The following TNKS variants were observed in gnomAD, a reference collection of about 807,000 sequenced individuals.
TNKS encodes tankyrase.
In TNKS, 72 loss-of-function variants were observed where a neutral mutation model predicts 135.8. The ratio of observed to expected loss-of-function variants is 0.53; its 90% CI spans 0.44 to 0.64. TNKS has a LOEUF of 0.64. Among genes scored for constraint, TNKS ranks in the 30% least tolerant of loss-of-function variants. TNKS has a pLI of 0.00. For synonymous variants in TNKS, 849 were observed against 649.3 expected, an observed-to-expected ratio of 1.31 and a Z score of -4.68; for missense variants, 1,769 against 1,674.0, an observed-to-expected ratio of 1.06 and a Z score of -0.99.
intron 3 of TNKS, among the ~76,000 whole-genome samples, chr8:9,616,812 G>C (rs1338713790): frequency 6.6e-6 from 1 of 152,076 alleles, no homozygotes; most frequent in Non-Finnish European, 1.5e-5. Flanking sequence ...AATTAGTGTA[G>C]ATAAGAAATT....
chr8:9,584,242 C>G (rs924543199), intron 2 of TNKS, among the ~76,000 whole-genome samples: 1 of 150,958 alleles, frequency 6.6e-6, no homozygotes, highest in Non-Finnish European at 1.5e-5. Context: ...TAATTAGTAT[C>G]CAATTCTTTT....
chr8:9,748,834 A>T (rs1806374819), intron 18 of TNKS, among the ~76,000 whole-genome samples: 3 of 152,162 alleles, frequency 2.0e-5, no homozygotes, highest in African/African-American at 7.2e-5. Context: ...GTTGGCTAGG[A>T]GATTCTTCTG....
intron 3 of TNKS, among the ~76,000 whole-genome samples, chr8:9,619,788 C>CTTT (rs371608502): frequency 1.6e-4 from 21 of 130,814 alleles, no homozygotes; most frequent in African/African-American, 5.7e-4. Flanking sequence ...AAATCCTTTG[C>CTTT]TTTTTTTTTT....
At chr8:9,687,543 G>T (rs1803062377) in intron 5 of TNKS, among the ~76,000 whole-genome samples, 2 of 152,156 alleles carry the variant, frequency 1.3e-5, no homozygotes, top group African/African-American at 4.8e-5. Flanking sequence ...TGTCAAGCAT[G>T]ACATTTCTAC....
At chr8:9,742,196 C>G (rs1186434909) in intron 17 of TNKS, among the ~76,000 whole-genome samples, 1 of 152,066 alleles carries the variant, frequency 6.6e-6, no homozygotes, top group African/African-American at 2.4e-5. Context: ...GATTGAGTCA[C>G]TCAAAAATTT....
At chr8:9,735,668 C>A (rs1297252736) in intron 17 of TNKS, among the ~76,000 whole-genome samples, 182 bp downstream of exon 17, 1 of 151,930 alleles carries the variant, frequency 6.6e-6, no homozygotes, top group Non-Finnish European at 1.5e-5. Flanking sequence ...GGCATAGTGG[C>A]GGGCACCTGT....
intron 2 of TNKS, among the ~76,000 whole-genome samples, chr8:9,597,458 T>C (rs1454550312): frequency 6.6e-6 from 1 of 151,098 alleles, no homozygotes; most frequent in African/African-American, 2.5e-5. Context: ...ATTCTTTGTT[T>C]AGTATCCTTT....
chr8:9,730,835 G>A (rs1056769300), intron 13 of TNKS, 55 bp from the exon 14 acceptor site: 11 of 1,563,406 alleles, frequency 7.0e-6, no homozygotes. Context: ...GGCAAAACCT[G>A]TGAATAAAGA....
chr8:9,660,783 G>T (rs1801666746), intron 3 of TNKS, among the ~76,000 whole-genome samples: 1 of 152,276 alleles, frequency 6.6e-6, no homozygotes, highest in Middle Eastern at 3.4e-3. Flanking sequence ...GTTAGGAAAA[G>T]AGGAAGTCAG....
intron 3 of TNKS, among the ~76,000 whole-genome samples, chr8:9,641,191 A>G (rs1336547837): frequency 6.9e-6 from 1 of 145,782 alleles, no homozygotes; most frequent in African/African-American, 2.5e-5. Flanking sequence ...CAGTTTCCTT[A>G]AAGATATTTC....
chr8:9,756,479 A>G (rs1190584634), intron 20 of TNKS, among the ~76,000 whole-genome samples: 2 of 151,932 alleles, frequency 1.3e-5, no homozygotes, highest in Non-Finnish European at 2.9e-5. Flanking sequence ...AGAAATAACT[A>G]GCCCAACAAG....
chr8:9,741,751 T>C (rs540238793), intron 17 of TNKS: 23 of 528,164 alleles, frequency 4.4e-5, no homozygotes, highest in Non-Finnish European at 9.0e-5. Flanking sequence ...GGCTCAAGCG[T>C]AATGTAGAGT....
rs773168381 is a variant in TNKS at position 9,748,230 on chromosome 8, A to G, written c.2832+18A>G. The G allele has an allele frequency of 6.7e-7, 1 of 1,482,652 alleles. No homozygotes were observed. The highest frequency in any genetic ancestry group is 1.4e-5 in the South Asian group (1 of 72,268). The allele number at this position is 1,482,652 out of a possible 1,614,324, so 91.8% of individuals were successfully genotyped here. On this transcript the variant is annotated intron_variant, in intron 18 of 26. Transcript: ENST00000310430. ...TGGCAACAGTAAGTCCTCATTTCAG[A>G]TACTGATTATTGTTCCTTCTACTTT...
chr8:9,693,811 A>G (rs1180964052), intron 5 of TNKS, among the ~76,000 whole-genome samples: 1 of 152,228 alleles, frequency 6.6e-6, no homozygotes, highest in Non-Finnish European at 1.5e-5. Context: ...ACCTGATAGC[A>G]TATGCACACG....
chr8:9,639,824 A>G lies in TNKS; in HGVS notation c.994+24147A>G, dbSNP rs191837917. On this transcript the variant is annotated intron_variant, in intron 3 of 26. Transcript: ENST00000310430. ...GGCTTCTTTGAGTATTTGCAGCTCTATTAGACTCTTTCATTCACTTTCCTT... is the reference window on the plus strand; with the variant it reads ...GGCTTCTTTGAGTATTTGCAGCTCTGTTAGACTCTTTCATTCACTTTCCTT... Among the ~76,000 whole-genome samples, 265 of 152,294 alleles carry G rather than the reference A, an allele frequency of 1.7e-3. 1 individual carries two copies. Among genetic ancestry groups the G allele is most frequent in the African/African-American group, 5.8e-3 (243 of 41,558 alleles).
chr8:9,727,777 T>C (rs1196178006), intron 13 of TNKS, among the ~76,000 whole-genome samples: 3 of 152,140 alleles, frequency 2.0e-5, no homozygotes, highest in Non-Finnish European at 2.9e-5. Context: ...GCCTAGAAAT[T>C]TTATTTTTGT....
chr8:9,747,017 G>C (rs917524424), intron 17 of TNKS, among the ~76,000 whole-genome samples: 1 of 150,962 alleles, frequency 6.6e-6, no homozygotes, highest in Non-Finnish European at 1.5e-5. Flanking sequence ...CGAGTAGCTT[G>C]GATTACAGGC....
intron 2 of TNKS, among the ~76,000 whole-genome samples, chr8:9,600,858 A>T (rs1798989934): frequency 6.6e-6 from 1 of 152,074 alleles, no homozygotes; most frequent in African/African-American, 2.4e-5. Context: ...TCACTATTTT[A>T]CTCAATTTGT....
intron 3 of TNKS, among the ~76,000 whole-genome samples, chr8:9,624,177 G>C (rs12677507): frequency 0.6 from 90,613 of 151,972 alleles, 27,323 homozygotes; most frequent in Middle Eastern, 0.71. Context: ...ATGATAACTT[G>C]TTAGTGTATA....
Sources: gnomAD v4.1 joint callset for allele counts (sites outside exome capture counted in the v4.1 genomes callset) on GRCh38, gnomAD v4.1.1 for gene constraint, MANE v1.5 for transcripts, NCBI Gene and HGNC (gene_info 2026-07-23, HGNC 2026-07-21) for gene names.